Variants in CAPN12 observed in about 807,000 individuals in gnomAD.
The protein encoded by CAPN12 is calpain 12.
A neutral mutation model predicts 95.0 loss-of-function variants in CAPN12; 107 were observed. The ratio of observed to expected loss-of-function variants is 1.13; its 90% CI spans 0.96 to 1.32. The LOEUF (loss-of-function observed/expected upper bound fraction) is 1.32. Ranked by LOEUF, CAPN12 falls within the 40% of genes most tolerant of loss-of-function variation. The pLI, the probability that CAPN12 is intolerant of heterozygous loss-of-function variation, is 0.00. For synonymous variants in CAPN12, 505 were observed against 415.5 expected, an observed-to-expected ratio of 1.22 and a Z score of -2.62; for missense variants, 1,136 against 997.8, an observed-to-expected ratio of 1.14 and a Z score of -1.87.
At chr19:38,736,904 C>T (rs540012932) in intron 10 of CAPN12, 4 of 475,200 alleles carry the variant, frequency 8.4e-6, no homozygotes, top group East Asian at 6.5e-5. Flanking sequence ...ACCTGGCCCC[C>T]CAGCCCTACT....
In CAPN12 at chr19:38,736,705, TC is replaced by T. The variant is rs1970199333; in HGVS notation, c.1363-143del. On this transcript the variant is annotated intron_variant, in intron 10 of 20. Coordinates refer to ENST00000328867, the MANE Select transcript of CAPN12 (RefSeq NM_144691.4). ...CCCTTATTGAACCTTTGCCCCGCAGTCCCCGACCCAGGCCCTCGCCGACCCC... is the reference window on the plus strand; with the variant it reads ...CCCTTATTGAACCTTTGCCCCGCAGTCCCGACCCAGGCCCTCGCCGACCCC... 4 of 1,084,082 alleles carry T rather than the reference TC, an allele frequency of 3.7e-6. No homozygotes were observed. In the African/African-American group the frequency reaches 4.8e-5, roughly 13 times the overall value. The allele number at this position is 1,084,082 out of a possible 1,614,324, so 67.2% of individuals were successfully genotyped here.
intron 4 of CAPN12, among the ~76,000 whole-genome samples, 187 bp downstream of exon 4, chr19:38,741,590 A>G (rs1599932183): frequency 1.3e-5 from 2 of 151,964 alleles, no homozygotes; most frequent in African/African-American, 4.8e-5. Context: ...AAAAAAGAAA[A>G]AAAAAAAAAA....
Position 38,730,508 on chromosome 19 carries a change from A to G in CAPN12, c.*344T>C. The stretch of plus-strand genomic sequence containing the variant: ...CCACCCTCTGGGGACAGGATAATAA[A>G]ACATGTAATATTTTTAAGAAGGATT... On this transcript the variant is annotated 3_prime_UTR_variant, in exon 21 of 21. Coordinates refer to ENST00000328867, the MANE Select transcript of CAPN12 (RefSeq NM_144691.4). The G allele has an allele frequency of 2.8e-6, 1 of 351,600 alleles. No homozygotes were observed. Among genetic ancestry groups the G allele is most frequent in the Non-Finnish European group, 5.3e-6 (1 of 189,170 alleles). 21.8% of individuals were successfully genotyped at this position (351,600 alleles called of 1,614,324 possible).
chr19:38,741,735 TG>T (rs1419549803), intron 4 of CAPN12, 41 bp downstream of exon 4: 1 of 1,608,602 alleles, frequency 6.2e-7, no homozygotes, highest in South Asian at 1.1e-5. Context: ...ATGCCTGCTG[TG>T]GGGACTTAGG....
At chr19:38,735,272 A>T in intron 14 of CAPN12, 98 bp downstream of exon 14, 1 of 1,252,632 alleles carries the variant, frequency 8.0e-7, no homozygotes, top group Non-Finnish European at 1.1e-6. Context: ...AGGAAAAAGC[A>T]AGCAAAATGA....
At position 38,733,488 on chromosome 19, in the gene CAPN12, C is replaced by T; in HGVS notation, c.1957+215G>A. ...TACCAGGCACATCCCCCTTTCATGTCCTCCCCACCCCACACACGCCCCTTG... is the reference window on the plus strand; with the variant it reads ...TACCAGGCACATCCCCCTTTCATGTTCTCCCCACCCCACACACGCCCCTTG... On this transcript the variant is annotated intron_variant, in intron 18 of 20. Transcript: ENST00000328867. The T allele has an allele frequency of 1.3e-5, 7 of 534,582 alleles. No homozygotes were observed. The Admixed American group carries it at 1.4e-4, about 11-fold the overall frequency. 33.1% of individuals were successfully genotyped at this position (534,582 alleles called of 1,614,324 possible).
chr19:38,742,913 G>A (rs1970644775), intron 2 of CAPN12, 120 bp downstream of exon 2: 2 of 782,396 alleles, frequency 2.6e-6, no homozygotes, highest in Non-Finnish European at 2.2e-6. Context: ...GAGGCCTAGG[G>A]AGAGAAGAGA....
intron 14 of CAPN12, 66 bp from the exon 15 acceptor site, chr19:38,734,936 C>CT: frequency 6.6e-7 from 1 of 1,509,748 alleles, no homozygotes; most frequent in Non-Finnish European, 9.1e-7. Context: ...AAGCCCTGTG[C>CT]TAGGGACACG....
chr19:38,740,518 G>C (rs967470935), intron 4 of CAPN12, among the ~76,000 whole-genome samples: 1 of 152,134 alleles, frequency 6.6e-6, no homozygotes, highest in Non-Finnish European at 1.5e-5. Flanking sequence ...TCAGACTCTT[G>C]GCCAGGCATG....
At chr19:38,731,574 G>A (rs1969616777) in intron 18 of CAPN12, 1 of 341,978 alleles carries the variant, frequency 2.9e-6, no homozygotes, top group African/African-American at 2.1e-5. Context: ...AAAAAATATA[G>A]TCAATCCCAT....
rs188396730 is a variant in CAPN12 at position 38,741,032 on chromosome 19, C to T, written c.560+745G>A. Reference sequence around the variant, plus strand: ...GGGGGCTTGTCAGGAATTTCAGAGCCTCAGAATGGGGAAAAGGCAAAGATT... The same window carrying T: ...GGGGGCTTGTCAGGAATTTCAGAGCTTCAGAATGGGGAAAAGGCAAAGATT... On this transcript the variant is annotated intron_variant, in intron 4 of 20. Transcript: ENST00000328867. Among the ~76,000 whole-genome samples, 43 of 152,126 alleles carry T rather than the reference C, an allele frequency of 2.8e-4. No individual in the cohort carries two copies. The East Asian group carries it at 6.4e-3, about 23-fold the overall frequency.
intron 18 of CAPN12, 147 bp downstream of exon 18, chr19:38,733,556 C>T: frequency 1.4e-6 from 1 of 691,608 alleles, no homozygotes; most frequent in South Asian, 1.9e-5. Context: ...GTCACCCAAC[C>T]CCTGCCAGGG....
rs759278476 is a variant in CAPN12 at position 38,734,315 on chromosome 19, G to A, written c.1815+4C>T. On this transcript the variant is annotated splice_donor_region_variant and intron_variant, in intron 16 of 20. Coordinates refer to ENST00000328867, the MANE Select transcript of CAPN12 (RefSeq NM_144691.4). ...CCCTCACCCAGGCACTGCCCCCCAT[G>A]TACCCCGAAACACTGCAGCAGCTGC... 8 of 1,606,476 alleles carry A rather than the reference G, an allele frequency of 5.0e-6. No homozygotes were observed. In the East Asian group the frequency reaches 8.9e-5, roughly 18 times the overall value.
At chr19:38,734,755 C>T in intron 15 of CAPN12, 58 bp downstream of exon 15, 1 of 1,535,448 alleles carries the variant, frequency 6.5e-7, no homozygotes, top group Non-Finnish European at 9.0e-7. Context: ...GGCACCGGCT[C>T]TGGTTGCAGG....
Position 38,736,581 on chromosome 19 carries a change from A to AAGGGGCGTCGGGGCTGGGGAGAG in CAPN12, c.1363-19_1363-18insCTCTCCCCAGCCCCGACGCCCCT. 6.4e-7 allele frequency: 1 copy of AAGGGGCGTCGGGGCTGGGGAGAG among 1,561,352 alleles called. No homozygotes were observed. Among genetic ancestry groups the AAGGGGCGTCGGGGCTGGGGAGAG allele is most frequent in the Non-Finnish European group, 8.7e-7 (1 of 1,152,132 alleles). ...TCTGGAATCTGAAAGAAGCAAGAGCAAGGGGCGTCGGGGCAGGGGAGAGGT... is the reference window on the plus strand; with the variant it reads ...TCTGGAATCTGAAAGAAGCAAGAGCAAGGGGCGTCGGGGCTGGGGAGAGAGGGGCGTCGGGGCAGGGGAGAGGT... On this transcript the variant is annotated intron_variant, in intron 10 of 20. Coordinates refer to ENST00000328867, the MANE Select transcript of CAPN12 (RefSeq NM_144691.4).
At chr19:38,743,169 G>T in intron 1 of CAPN12, 67 bp from the exon 2 acceptor site, 1 of 1,583,744 alleles carries the variant, frequency 6.3e-7, no homozygotes, top group African/African-American at 1.3e-5. Context: ...CCAGAGGAGT[G>T]AGGGCCTCCA....
chr19:38,731,641 A>C (rs1433692092), intron 18 of CAPN12: 1 of 231,922 alleles, frequency 4.3e-6, no homozygotes, highest in Admixed American at 4.8e-5. Context: ...CTGAGAAACC[A>C]TGTCTGCTGT....
In CAPN12 at chr19:38,741,965, G is replaced by A; in HGVS notation, c.427-55C>T. Reference sequence around the variant, plus strand: ...GGCTTCCAACCTCCAACCCTGCCTGGGCCCTGCCTCTGCTGTGCCAGTCCC... The same window carrying A: ...GGCTTCCAACCTCCAACCCTGCCTGAGCCCTGCCTCTGCTGTGCCAGTCCC... On this transcript the variant is annotated intron_variant, in intron 3 of 20. Transcript: ENST00000328867. 2.5e-6 allele frequency: 4 copies of A among 1,593,616 alleles called. No individual in the cohort carries two copies. The South Asian group carries it at 4.5e-5, about 18-fold the overall frequency.
rs1477525591 is a variant in CAPN12, at chr19:38,734,886, G to A, written c.1687-16C>T. 6 of 1,611,978 alleles carry A rather than the reference G, an allele frequency of 3.7e-6. No individual in the cohort carries two copies. Among genetic ancestry groups the A allele is most frequent in the South Asian group, 3.3e-5 (3 of 90,938 alleles). ...GTTCTTCCTCCTAGTCCAGGAAAGA[G>A]GGCTTGTGAGGCCATTTACTCATCC... On this transcript the variant is annotated splice_polypyrimidine_tract_variant and intron_variant, in intron 14 of 20. Coordinates refer to ENST00000328867, the MANE Select transcript of CAPN12 (RefSeq NM_144691.4).
Sources: allele counts gnomAD v4.1 joint callset (sites outside exome capture counted in the v4.1 genomes callset), GRCh38; gene constraint gnomAD v4.1.1; transcripts MANE v1.5; gene names NCBI Gene and HGNC (gene_info 2026-07-23, HGNC 2026-07-21).